Variants in CALCRL observed in about 807,000 individuals in gnomAD.
CALCRL encodes the protein calcitonin gene-related peptide type 1 receptor.
A neutral mutation model predicts 60.4 loss-of-function variants in CALCRL; 27 were observed. That is an observed-to-expected ratio of 0.45 (90% confidence interval 0.33 to 0.62). CALCRL has a LOEUF of 0.62. Among genes scored for constraint, CALCRL ranks in the 20% least tolerant of loss-of-function variants. The probability of loss-of-function intolerance (pLI) is 0.03; values close to 1 mark genes in which losing one functional copy is unlikely to be tolerated. For synonymous variants in CALCRL, 190 were observed against 182.6 expected (o/e 1.04, Z -0.33); for missense variants, 424 against 540.7 (o/e 0.78, Z 2.14).
intron 12 of CALCRL, among the ~76,000 whole-genome samples, chr2:187,355,414 A>C (rs148132371): frequency 7.0e-4 from 106 of 152,248 alleles, no homozygotes; most frequent in African/African-American, 2.5e-3. Flanking sequence ...TATAATCTAC[A>C]TTAAGGTATA....
At chr2:187,436,404 G>T (rs569235028) in intron 1 of CALCRL, among the ~76,000 whole-genome samples, 1 of 152,112 alleles carries the variant, frequency 6.6e-6, no homozygotes, top group African/African-American at 2.4e-5. Context: ...AACCTGTAGA[G>T]GTCCTGAGAG....
intron 1 of CALCRL, among the ~76,000 whole-genome samples, chr2:187,441,637 A>G (rs1690911244): frequency 1.3e-5 from 2 of 152,106 alleles, no homozygotes; most frequent in Admixed American, 1.3e-4. Context: ...GAGTTAAAAT[A>G]TAAATATTCT....
chr2:187,359,432 C>T (rs1390671857), intron 10 of CALCRL, among the ~76,000 whole-genome samples, 160 bp from the exon 11 acceptor site: 1 of 152,078 alleles, frequency 6.6e-6, no homozygotes, highest in Non-Finnish European at 1.5e-5. Context: ...ATCAACAATA[C>T]ACATTATAAA....
intron 4 of CALCRL, among the ~76,000 whole-genome samples, chr2:187,385,034 T>C (rs1405431086): frequency 6.6e-6 from 1 of 152,190 alleles, no homozygotes; most frequent in African/African-American, 2.4e-5. Context: ...TGCAGACTTA[T>C]GCACACACTT....
chr2:187,355,606 G>A (rs1420058175), intron 12 of CALCRL, among the ~76,000 whole-genome samples: 1 of 151,992 alleles, frequency 6.6e-6, no homozygotes, highest in Non-Finnish European at 1.5e-5. Context: ...AGGAAGCTTT[G>A]AATTTTACAT....
intron 1 of CALCRL, among the ~76,000 whole-genome samples, chr2:187,434,532 C>T (rs1690547949): frequency 6.6e-6 from 1 of 152,148 alleles, no homozygotes; most frequent in South Asian, 2.1e-4. Flanking sequence ...ACCTCATACA[C>T]TGTTGGTGGG....
chr2:187,423,420 A>G (rs1220120168), intron 1 of CALCRL, among the ~76,000 whole-genome samples: 1 of 151,778 alleles, frequency 6.6e-6, no homozygotes, highest in Non-Finnish European at 1.5e-5. Context: ...ATATGGTATC[A>G]AATATGTAGA....
rs1686151800 is a variant in CALCRL at position 187,343,165 on chromosome 2, C to G, written c.*3019G>C. On this transcript the variant is annotated 3_prime_UTR_variant, in exon 15 of 15. Coordinates refer to ENST00000392370, the MANE Select transcript of CALCRL (RefSeq NM_005795.6). ...AATTCATTTACTGGTTTACTGAAGACTTTAAAGAGGGCAAAAGATATATTT... is the reference window on the plus strand; with the variant it reads ...AATTCATTTACTGGTTTACTGAAGAGTTTAAAGAGGGCAAAAGATATATTT... 1 of 151,288 alleles carries G rather than the reference C, an allele frequency of 6.6e-6. No homozygotes were observed. Among genetic ancestry groups the G allele is most frequent in the Non-Finnish European group, 1.5e-5 (1 of 67,488 alleles). The allele number at this position is 151,288 out of a possible 1,614,324, so 9.4% of individuals were successfully genotyped here.
intron 1 of CALCRL, 59 bp from the exon 2 acceptor site, chr2:187,387,815 T>C (rs1052005372): frequency 2.6e-6 from 1 of 386,070 alleles, no homozygotes; most frequent in Non-Finnish European, 4.6e-6. Context: ...ATTATTTCCA[T>C]GATAAATTAA....
intron 1 of CALCRL, among the ~76,000 whole-genome samples, chr2:187,430,801 AAAT>A (rs1690370431): frequency 6.6e-6 from 1 of 152,138 alleles, no homozygotes; most frequent in Non-Finnish European, 1.5e-5. Context: ...TGTGAATAGA[AAAT>A]AAGGAACTCT....
chr2:187,371,616 A>G (rs1452769369), intron 8 of CALCRL, among the ~76,000 whole-genome samples: 1 of 152,032 alleles, frequency 6.6e-6, no homozygotes, highest in African/African-American at 2.4e-5. Context: ...TATGGTTTAA[A>G]GATTAATCAT....
intron 1 of CALCRL, 117 bp from the exon 2 acceptor site, chr2:187,387,873 A>T: frequency 2.7e-6 from 1 of 365,212 alleles, no homozygotes; most frequent in Non-Finnish European, 4.9e-6. Flanking sequence ...TTATTGAACA[A>T]TTCCAACTTT....
chr2:187,366,070 C>T (rs1393055967), intron 8 of CALCRL, among the ~76,000 whole-genome samples: 1 of 149,998 alleles, frequency 6.7e-6, no homozygotes, highest in Non-Finnish European at 1.5e-5. Context: ...GGTGAAACCC[C>T]GTCTCTACTA....
At chr2:187,350,399 CAA>C (rs1187446934) in intron 14 of CALCRL, among the ~76,000 whole-genome samples, 3 of 151,154 alleles carry the variant, frequency 2.0e-5, no homozygotes, top group South Asian at 2.1e-4. Flanking sequence ...TACTATCAAA[CAA>C]ATGATTTATC....
intron 5 of CALCRL, among the ~76,000 whole-genome samples, chr2:187,382,026 A>G (rs1156798683): frequency 6.6e-6 from 1 of 152,214 alleles, no homozygotes; most frequent in Non-Finnish European, 1.5e-5. Flanking sequence ...AATACATTTT[A>G]TGGCCTATTA....
Position 187,352,204 on chromosome 2 carries a change from G to A in CALCRL, c.1038C>T (p.Gly346=). Reference sequence around the variant, plus strand: ...GCCATGGAATCAGCACAAATTCAATGCCAAGCAATGGCACCAAGATAAGAG... The same window carrying A: ...GCCATGGAATCAGCACAAATTCAATACCAAGCAATGGCACCAAGATAAGAG... ...RATLILVPLL[G]IEFVLIPWRP... Residue 346 remains glycine (G), a synonymous_variant, in exon 13 of 15, where the codon GGC becomes GGT. Coordinates refer to ENST00000392370, the MANE Select transcript of CALCRL (RefSeq NM_005795.6). The A allele has an allele frequency of 6.2e-7, 1 of 1,612,364 alleles. No individual in the cohort carries two copies. Among genetic ancestry groups the A allele is most frequent in the South Asian group, 1.1e-5 (1 of 91,046 alleles).
At chr2:187,404,893 G>C in intron 1 of CALCRL, among the ~76,000 whole-genome samples, 1 of 151,790 alleles carries the variant, frequency 6.6e-6, no homozygotes, top group Admixed American at 6.6e-5. Context: ...ACTTGTACCA[G>C]AGGAAAAAAA....
chr2:187,445,228 C>G (rs1416041804), intron 1 of CALCRL, among the ~76,000 whole-genome samples: 1 of 151,496 alleles, frequency 6.6e-6, no homozygotes, highest in Non-Finnish European at 1.5e-5. Context: ...TCATTAACAC[C>G]CTTGCAATGA....
intron 1 of CALCRL, among the ~76,000 whole-genome samples, chr2:187,443,364 A>C (rs999870120): frequency 3.3e-5 from 5 of 151,820 alleles, no homozygotes; most frequent in African/African-American, 1.2e-4. Context: ...GTGCTAAAAA[A>C]TTTCCACGTG....
Sources: allele counts gnomAD v4.1 joint callset (sites outside exome capture counted in the v4.1 genomes callset), GRCh38; gene constraint gnomAD v4.1.1; transcripts MANE v1.5; gene names NCBI Gene and HGNC (gene_info 2026-07-23, HGNC 2026-07-21).